Variants in PRKCE observed in about 807,000 individuals in gnomAD.
The protein encoded by PRKCE is protein kinase C epsilon.
Under a neutral mutation model 85.4 loss-of-function variants are expected in PRKCE, and 16 were observed. The ratio of observed to expected loss-of-function variants is 0.19; its 90% CI spans 0.13 to 0.28. PRKCE has a LOEUF of 0.28. Among genes scored for constraint, PRKCE ranks in the 10% least tolerant of loss-of-function variants. The pLI is 1.00. For missense variants in PRKCE, 573 were observed against 975.2 expected (o/e 0.59, Z 5.49); for synonymous variants, 388 against 371.5 (o/e 1.04, Z -0.51).
chr2:45,810,867 G>A (rs1688608816), intron 1 of PRKCE, among the ~76,000 whole-genome samples: 1 of 152,162 alleles, frequency 6.6e-6, no homozygotes, highest in African/African-American at 2.4e-5. Context: ...TGATAAAATG[G>A]CTCCAAGACA....
chr2:45,861,534 C>T (rs1009244113), intron 2 of PRKCE, among the ~76,000 whole-genome samples: 2 of 152,150 alleles, frequency 1.3e-5, no homozygotes, highest in Non-Finnish European at 2.9e-5. Context: ...GCCCATTCTT[C>T]AATAAATACC....
intron 3 of PRKCE, 22 bp downstream of exon 3, chr2:45,976,610 C>T (rs775378920): frequency 1.3e-6 from 2 of 1,596,596 alleles, no homozygotes; most frequent in South Asian, 2.2e-5. Flanking sequence ...TCTTGGGAAC[C>T]TCTAATTACA....
intron 9 of PRKCE, 43 bp downstream of exon 9, chr2:46,007,704 C>G: frequency 6.4e-7 from 1 of 1,565,610 alleles, no homozygotes; most frequent in Non-Finnish European, 8.7e-7. Flanking sequence ...TTGTTCTACT[C>G]CTTAGCATTG....
chr2:45,736,003 C>A (rs140359279), intron 1 of PRKCE, among the ~76,000 whole-genome samples: 138 of 152,294 alleles, frequency 9.1e-4, no homozygotes, highest in African/African-American at 3.2e-3. Context: ...CACCGTCACC[C>A]AGGCTGGAGT....
chr2:45,984,914 C>T (rs1030676585), intron 6 of PRKCE, among the ~76,000 whole-genome samples: 7 of 152,156 alleles, frequency 4.6e-5, no homozygotes, highest in Non-Finnish European at 5.9e-5. Flanking sequence ...GCGGACTCCA[C>T]GCCTTAAGAT....
intron 14 of PRKCE, among the ~76,000 whole-genome samples, chr2:46,177,706 G>C (rs10210199): frequency 0.18 from 26,907 of 152,102 alleles, 2,560 homozygotes; most frequent in African/African-American, 0.22. Context: ...TGGTACTGGG[G>C]GTTAAAACTT....
intron 10 of PRKCE, among the ~76,000 whole-genome samples, chr2:46,060,170 G>A (rs1394687571): frequency 6.6e-6 from 1 of 152,216 alleles, no homozygotes; most frequent in East Asian, 1.9e-4. Context: ...TACTAGTTGG[G>A]AGAAGAGTCT....
At chr2:45,807,027 G>C (rs1336367104) in intron 1 of PRKCE, among the ~76,000 whole-genome samples, 1 of 152,216 alleles carries the variant, frequency 6.6e-6, no homozygotes, top group Non-Finnish European at 1.5e-5. Flanking sequence ...TGCAGGTCTG[G>C]ATAGATAGAA....
chr2:45,692,749 A>C (rs1019782171), intron 1 of PRKCE, among the ~76,000 whole-genome samples: 13 of 151,694 alleles, frequency 8.6e-5, no homozygotes, highest in South Asian at 2.1e-4. Flanking sequence ...ACACACCCCC[A>C]CACACACCCC....
intron 1 of PRKCE, among the ~76,000 whole-genome samples, chr2:45,827,847 C>G (rs1455524205): frequency 6.6e-6 from 1 of 152,224 alleles, no homozygotes; most frequent in East Asian, 1.9e-4. Flanking sequence ...GGAAATGTCA[C>G]TGACTTTGAC....
chr2:45,765,466 G>C (rs773374511), intron 1 of PRKCE, among the ~76,000 whole-genome samples: 7 of 152,152 alleles, frequency 4.6e-5, no homozygotes, highest in Admixed American at 6.5e-5. Context: ...GTTTGGCCTC[G>C]TTCTCAAATT....
chr2:45,715,283 G>A (rs1024537786), intron 1 of PRKCE, among the ~76,000 whole-genome samples: 3 of 152,202 alleles, frequency 2.0e-5, no homozygotes, highest in Non-Finnish European at 4.4e-5. Context: ...TATGTATATT[G>A]ATCTTGTCAC....
At chr2:45,917,969 T>G (rs937171060) in intron 2 of PRKCE, among the ~76,000 whole-genome samples, 1 of 151,998 alleles carries the variant, frequency 6.6e-6, no homozygotes, top group Admixed American at 6.5e-5. Flanking sequence ...CTGCTCCGAG[T>G]GCGGGGCCCG....
intron 10 of PRKCE, among the ~76,000 whole-genome samples, chr2:46,050,190 G>C (rs999573658): frequency 2.0e-5 from 3 of 152,238 alleles, no homozygotes; most frequent in Non-Finnish European, 4.4e-5. Context: ...CCGTTCACAA[G>C]AAAAAGGCCA....
intron 2 of PRKCE, among the ~76,000 whole-genome samples, chr2:45,909,812 G>A (rs1449076837): frequency 1.3e-5 from 2 of 152,330 alleles, no homozygotes; most frequent in Admixed American, 1.3e-4. Context: ...CTTTCCTTCA[G>A]GCAGGTATTC....
chr2:45,885,601 G>A (rs1695237222), intron 2 of PRKCE, among the ~76,000 whole-genome samples: 1 of 152,164 alleles, frequency 6.6e-6, no homozygotes, highest in Non-Finnish European at 1.5e-5. Context: ...TGGTCTGGAT[G>A]GCCATTTGGG....
chr2:46,165,435 C>CAA (rs1440199493), intron 14 of PRKCE, among the ~76,000 whole-genome samples: 1 of 152,204 alleles, frequency 6.6e-6, no homozygotes, highest in African/African-American at 2.4e-5. Context: ...TGTTTGGTGG[C>CAA]AAATACTCCA....
chr2:46,159,641 T>C lies in PRKCE; in HGVS notation c.1956T>C (p.Cys652=), dbSNP rs772797012. Residue 652 remains cysteine (C), a synonymous_variant, in exon 14 of 15, where the codon TGT becomes TGC. Coordinates refer to ENST00000306156, the MANE Select transcript of PRKCE (RefSeq NM_005400.3). The surrounding 1 kb of genome is among the most constrained non-coding windows in gnomAD (Gnocchi z 4.1). ...AGAATCCCCACAAGCGCCTGGGCTG[T>C]GTGGCATCGCAGAATGGCGAGGACG... The part of the protein sequence containing the change: ...MTKNPHKRLG[C]VASQNGEDAI... 1 of 1,599,316 alleles carries C rather than the reference T, an allele frequency of 6.3e-7. No individual in the cohort carries two copies. Among genetic ancestry groups the C allele is most frequent in the South Asian group, 1.1e-5 (1 of 90,910 alleles).
At chr2:45,669,592 G>C (rs1238831697) in intron 1 of PRKCE, among the ~76,000 whole-genome samples, 1 of 152,198 alleles carries the variant, frequency 6.6e-6, no homozygotes, top group Non-Finnish European at 1.5e-5. Context: ...TACTTGAAAA[G>C]ACTGATCTGA....
Sources: allele counts gnomAD v4.1 joint callset (sites outside exome capture counted in the v4.1 genomes callset), GRCh38; gene constraint gnomAD v4.1.1; non-coding constraint Gnocchi (gnomAD v3.1); transcripts MANE v1.5; gene names NCBI Gene and HGNC (gene_info 2026-07-23, HGNC 2026-07-21).